SMIM13: variants seen among roughly 807,000 people sequenced by gnomAD.
SMIM13 encodes the protein UPF0766 protein C6orf228.
Under a neutral mutation model 5.9 loss-of-function variants are expected in SMIM13, and 3 were observed. That is an observed-to-expected ratio of 0.51 (90% CI 0.23 to 1.31). SMIM13 has a LOEUF of 1.31. Ranked by LOEUF, SMIM13 falls within the 40% of genes most tolerant of loss-of-function variation. The pLI, the probability that SMIM13 is intolerant of heterozygous loss-of-function variation, is 0.18. For missense variants in SMIM13, 85 were observed against 109.9 expected, an observed-to-expected ratio of 0.77 and a Z score of 1.01; for synonymous variants, 55 against 46.0, an observed-to-expected ratio of 1.19 and a Z score of -0.79.
chr6:11,119,560 A>C (rs979500170), intron 1 of SMIM13, among the ~76,000 whole-genome samples: 7 of 152,136 alleles, frequency 4.6e-5, no homozygotes, highest in Non-Finnish European at 1.0e-4. Flanking sequence ...AGGCAGAGGC[A>C]GGAGAATGGT....
chr6:11,112,835 T>C (rs2113652642), intron 1 of SMIM13, among the ~76,000 whole-genome samples: 1 of 152,064 alleles, frequency 6.6e-6, no homozygotes, highest in East Asian at 1.9e-4. Context: ...TGAGATGGGG[T>C]CTTGCTCTGT....
intron 1 of SMIM13, among the ~76,000 whole-genome samples, chr6:11,112,142 T>G (rs1581915409): frequency 6.6e-6 from 1 of 152,180 alleles, no homozygotes; most frequent in East Asian, 1.9e-4. Context: ...GATCATCACC[T>G]GATGGTCGCC....
intron 1 of SMIM13, among the ~76,000 whole-genome samples, chr6:11,114,592 C>CTCTTTTTTTT (rs1758212653): frequency 4.6e-5 from 1 of 21,824 alleles, no homozygotes. Flanking sequence ...CACTTTTTCT[C>CTCTTTTTTTT]TTTTTTTTTT....
intron 1 of SMIM13, among the ~76,000 whole-genome samples, chr6:11,098,513 A>G (rs1166724863): frequency 2.0e-5 from 3 of 152,162 alleles, no homozygotes; most frequent in Non-Finnish European, 4.4e-5. Flanking sequence ...GTTCACTGCA[A>G]CTTCTACTCC....
chr6:11,102,986 A>G (rs1303969532), intron 1 of SMIM13: 1 of 152,198 alleles, frequency 6.6e-6, no homozygotes, highest in Non-Finnish European at 1.5e-5. Context: ...TTGGGGTTTT[A>G]TACATTGGCA....
intron 1 of SMIM13, among the ~76,000 whole-genome samples, chr6:11,100,961 G>A (rs1757983513): frequency 1.3e-5 from 2 of 148,448 alleles, no homozygotes; most frequent in South Asian, 4.2e-4. Flanking sequence ...GGTCCCTTCA[G>A]TTCAGATTTT....
rs781024696 is a variant in SMIM13 at position 11,138,158 on chromosome 6, T to TAA, written c.*3558_*3559dup. 1 of 152,212 alleles carries TAA rather than the reference T, an allele frequency of 6.6e-6. No individual in the cohort carries two copies. Among genetic ancestry groups the TAA allele is most frequent in the Non-Finnish European group, 1.5e-5 (1 of 68,028 alleles). The allele number at this position is 152,212 out of a possible 1,614,324, so 9.4% of individuals were successfully genotyped here. A position where few individuals can be genotyped will look rare whatever the true frequency, so the allele number is the denominator to read the frequency against. Reference sequence around the variant, plus strand: ...ATAACTAGATTTTGACTGGTAAACTTAAAGTGCTTTTTATATTTGAGGTTG... The same window carrying TAA: ...ATAACTAGATTTTGACTGGTAAACTTAAAAAGTGCTTTTTATATTTGAGGTTG... On this transcript the variant is annotated 3_prime_UTR_variant, in exon 2 of 2. Transcript: ENST00000416247.
At chr6:11,133,194 T>G (rs1758472671) in intron 1 of SMIM13, among the ~76,000 whole-genome samples, 1 of 152,162 alleles carries the variant, frequency 6.6e-6, no homozygotes, top group African/African-American at 2.4e-5. Context: ...AGATGCTAAT[T>G]TGGAATATCA....
intron 1 of SMIM13, among the ~76,000 whole-genome samples, chr6:11,114,354 A>G (rs566314895): frequency 1.5e-4 from 23 of 152,296 alleles, no homozygotes; most frequent in Non-Finnish European, 2.4e-4. Flanking sequence ...ATGTTGCAAG[A>G]AAGGAGTGAG....
At chr6:11,118,424 G>T (rs1758268652) in intron 1 of SMIM13, among the ~76,000 whole-genome samples, 1 of 152,154 alleles carries the variant, frequency 6.6e-6, no homozygotes, top group African/African-American at 2.4e-5. Context: ...TTGGGAGTGG[G>T]GTTGGGACAG....
intron 1 of SMIM13, chr6:11,102,963 G>A (rs1018556634): frequency 6.6e-6 from 1 of 152,218 alleles, no homozygotes; most frequent in Non-Finnish European, 1.5e-5. Flanking sequence ...AATTGCCTTG[G>A]TAGGCCCTTG....
chr6:11,103,995 C>T (rs1172986078), intron 1 of SMIM13: 2 of 1,551,528 alleles, frequency 1.3e-6, no homozygotes, highest in Non-Finnish European at 1.7e-6. Flanking sequence ...TACCCAAAAG[C>T]AACATTTTTC....
chr6:11,112,640 G>C (rs1758185201), intron 1 of SMIM13, among the ~76,000 whole-genome samples: 2 of 152,122 alleles, frequency 1.3e-5, no homozygotes, highest in Admixed American at 1.3e-4. Context: ...CTTTCTGCTA[G>C]CATAATGCTT....
chr6:11,108,142 A>G (rs1758114417), intron 1 of SMIM13, among the ~76,000 whole-genome samples: 1 of 152,200 alleles, frequency 6.6e-6, no homozygotes, highest in Non-Finnish European at 1.5e-5. Flanking sequence ...TGGCATCACT[A>G]AAAATGAATG....
chr6:11,107,608 G>A (rs954652028), intron 1 of SMIM13, among the ~76,000 whole-genome samples: 5 of 152,166 alleles, frequency 3.3e-5, no homozygotes, highest in African/African-American at 1.2e-4. Context: ...GGGTCGAGGG[G>A]GAGATACAAA....
At chr6:11,130,363 G>A (rs537445735) in intron 1 of SMIM13, among the ~76,000 whole-genome samples, 31 of 152,048 alleles carry the variant, frequency 2.0e-4, no homozygotes, top group Non-Finnish European at 3.7e-4. Context: ...ACCTCACAGT[G>A]TTTTGTGAGA....
intron 1 of SMIM13, among the ~76,000 whole-genome samples, chr6:11,134,060 G>A (rs1225143860): frequency 6.6e-6 from 1 of 151,308 alleles, no homozygotes; most frequent in African/African-American, 2.4e-5. Flanking sequence ...CCAAGTAAAT[G>A]GCAAAGTGAA....
At chr6:11,134,321 A>G (rs1758489401) in intron 1 of SMIM13, 82 bp from the exon 2 acceptor site, 6 of 917,506 alleles carry the variant, frequency 6.5e-6, no homozygotes, top group South Asian at 5.1e-5. Flanking sequence ...ATTTTGTAAT[A>G]TACCCCCCAT....
chr6:11,135,333 A>G lies in SMIM13; in HGVS notation c.*731A>G, dbSNP rs1758505092. The G allele has an allele frequency of 6.6e-6, 1 of 152,638 alleles. No individual in the cohort carries two copies. Among genetic ancestry groups the G allele is most frequent in the Admixed American group, 6.5e-5 (1 of 15,276 alleles). The allele number at this position is 152,638 out of a possible 1,614,324, so 9.5% of individuals were successfully genotyped here. A position where few individuals can be genotyped will look rare whatever the true frequency, so the allele number is the denominator to read the frequency against. ...GGTACCCACAAGTAGATGAAGCTGT[A>G]CTACGTTTCGTCAGTGAGACACGTG... On this transcript the variant is annotated 3_prime_UTR_variant, in exon 2 of 2. Coordinates refer to ENST00000416247, the MANE Select transcript of SMIM13 (RefSeq NM_001135575.2).
Sources: gnomAD v4.1 joint callset for allele counts (sites outside exome capture counted in the v4.1 genomes callset) on GRCh38, gnomAD v4.1.1 for gene constraint, MANE v1.5 for transcripts, NCBI Gene and HGNC (gene_info 2026-07-23, HGNC 2026-07-21) for gene names.